Variants in ZNF701 observed in about 807,000 individuals in gnomAD.
ZNF701 encodes zinc finger protein 701.
Under a neutral mutation model 7.1 loss-of-function variants are expected in ZNF701, and 6 were observed. The ratio of observed to expected loss-of-function variants is 0.84; its 90% CI spans 0.46 to 1.66. The LOEUF (loss-of-function observed/expected upper bound fraction) is 1.66, where lower values mean the gene tolerates loss of function less well. ZNF701 is among the 40% of genes most tolerant of loss of function. The pLI is 0.01. For synonymous variants in ZNF701, 166 were observed against 188.2 expected (o/e 0.88, Z 0.97); for missense variants, 541 against 559.2 (o/e 0.97, Z 0.33).
downstream of ZNF701, among the ~76,000 whole-genome samples, chr19:52,589,461 G>T (rs2060027984): frequency 6.9e-6 from 1 of 145,538 alleles, no homozygotes; most frequent in East Asian, 2.0e-4. Context: ...AAACAGAAAC[G>T]TTCTTTCACA....
In ZNF701 at chr19:52,583,021, CT is replaced by C. The variant is rs2059986718; in HGVS notation, c.963del (p.Gly322GlufsTer53). 1 of 1,613,662 alleles carries C rather than the reference CT, an allele frequency of 6.2e-7. No individual in the cohort carries two copies. On this transcript the variant is annotated frameshift_variant, in exon 4 of 4. Coordinates refer to ENST00000391785, the MANE Select transcript of ZNF701 (RefSeq NM_018260.3). LOFTEE classifies it low-confidence loss of function (END_TRUNC). The stretch of plus-strand genomic sequence containing the variant: ...CTTGCACGTCATCATAGAGTTCATA[CT>C]GGAGAGAAACCTTACAAATGTGAAG... ...SNLARHHRVH[T>X]GEKPYKCEEC...
intron 1 of ZNF701, chr19:52,572,121 C>G: frequency 3.3e-6 from 1 of 303,074 alleles, no homozygotes; most frequent in Non-Finnish European, 6.5e-6. Flanking sequence ...CCGAGCCCGG[C>G]CTACTCACCA....
rs113196820 is a variant in ZNF701, at chr19:52,582,386, T to C, written c.327T>C (p.His109=). 23 of 1,613,560 alleles carry C rather than the reference T, an allele frequency of 1.4e-5. No homozygotes were observed. Among genetic ancestry groups the C allele is most frequent in the African/African-American group, 5.3e-5 (4 of 74,900 alleles). The change falls in exon 4 of 4, where the codon CAT becomes CAC. Residue 109 remains histidine, a synonymous_variant. Transcript: ENST00000391785. ...FQWQENETNG[H]EALMTKTKKL... ...GGCAAGAAAATGAAACAAATGGCCATGAAGCACTCATGACAAAAACCAAAA... is the reference window on the plus strand; with the variant it reads ...GGCAAGAAAATGAAACAAATGGCCACGAAGCACTCATGACAAAAACCAAAA...
chr19:52,573,823 T>A (rs1600068605), intron 1 of ZNF701, among the ~76,000 whole-genome samples: 1 of 152,258 alleles, frequency 6.6e-6, no homozygotes, highest in East Asian at 1.9e-4. Context: ...AGCCTCTGCA[T>A]GGGATTTGGT....
chr19:52,576,009 C>T lies in ZNF701; in HGVS notation c.130C>T (p.Leu44=). The T allele has an allele frequency of 6.3e-7, 1 of 1,576,404 alleles. No individual in the cohort carries two copies. Among genetic ancestry groups the T allele is most frequent in the Non-Finnish European group, 8.6e-7 (1 of 1,168,794 alleles). Reference sequence around the variant, plus strand: ...CGTGATGCTGGAGAATTATAGGAACCTGGTCTCCCTGGGTGAGGATAACTT... The same window carrying T: ...CGTGATGCTGGAGAATTATAGGAACTTGGTCTCCCTGGGTGAGGATAACTT... The part of the protein sequence containing the change: ...RDVMLENYRN[L]VSLDTSSKCM... The change falls in exon 3 of 4, where the codon CTG becomes TTG. Residue 44 remains leucine, a synonymous_variant. Coordinates refer to ENST00000391785, the MANE Select transcript of ZNF701 (RefSeq NM_018260.3).
chr19:52,580,410 A>G (rs1237564924), intron 3 of ZNF701, among the ~76,000 whole-genome samples: 1 of 151,804 alleles, frequency 6.6e-6, no homozygotes, highest in African/African-American at 2.4e-5. Context: ...TATTTTTAGT[A>G]GATATGGGGT....
chr19:52,576,996 A>G (rs1259062202), intron 3 of ZNF701, among the ~76,000 whole-genome samples: 2 of 149,870 alleles, frequency 1.3e-5, no homozygotes, highest in African/African-American at 4.9e-5. Flanking sequence ...TGTGTGGGGA[A>G]ACTCTGCAAG....
At chr19:52,576,393 T>G (rs1317434387) in intron 3 of ZNF701, among the ~76,000 whole-genome samples, 1 of 151,874 alleles carries the variant, frequency 6.6e-6, no homozygotes, top group Non-Finnish European at 1.5e-5. Flanking sequence ...ACACAAAAAT[T>G]AGCCGGGCGT....
In ZNF701 at chr19:52,583,320, C is replaced by T. The variant is rs143669917; in HGVS notation, c.1261C>T (p.His421Tyr). Residue 421 changes from histidine to tyrosine, a missense_variant, in exon 4 of 4, where the codon CAC becomes TAC. By Grantham distance (83) the His-to-Tyr change is moderately conservative. Coordinates refer to ENST00000391785, the MANE Select transcript of ZNF701 (RefSeq NM_018260.3). The part of the protein sequence containing the change: ...KCNECGKVFN[H>Y]KSNLACHRRL... ...TAATGAATGTGGCAAGGTTTTTAAT[C>T]ACAAATCAAACCTTGCATGTCATCG... 9.1e-5 allele frequency: 146 copies of T among 1,604,812 alleles called. No homozygotes were observed. Among genetic ancestry groups the T allele is most frequent in the Non-Finnish European group, 1.2e-4 (141 of 1,172,418 alleles).
Position 52,583,080 on chromosome 19 carries a change from C to A in ZNF701, c.1021C>A (p.Leu341Ile). 6.2e-7 allele frequency: 1 copy of A among 1,613,740 alleles called. No homozygotes were observed. Among genetic ancestry groups the A allele is most frequent in the Non-Finnish European group, 8.5e-7 (1 of 1,179,872 alleles). Residue 341 changes from leucine (L) to isoleucine (I), a missense_variant, in exon 4 of 4, where the codon CTT (leucine) becomes ATT (isoleucine). Physicochemically the swap from Leu to Ile is conservative, Grantham distance 5. Coordinates refer to ENST00000391785, the MANE Select transcript of ZNF701 (RefSeq NM_018260.3). ...CDKVFSRKSH[L>I]ERHRRIHTGE... The stretch of plus-strand genomic sequence containing the variant: ...CAAAGTTTTCAGTCGCAAATCACAC[C>A]TTGAAAGACATAGGAGAATTCACAC...
At chr19:52,575,815 T>C (rs988318784) in intron 2 of ZNF701, 80 bp from the exon 3 acceptor site, 5 of 960,180 alleles carry the variant, frequency 5.2e-6, no homozygotes, top group Non-Finnish European at 7.4e-6. Context: ...AATCCATGCT[T>C]TCCCCTCTCC....
chr19:52,591,423 C>T (rs1308391682), downstream of ZNF701, among the ~76,000 whole-genome samples: 1 of 152,132 alleles, frequency 6.6e-6, no homozygotes, highest in Non-Finnish European at 1.5e-5. Context: ...TTAAGTAATC[C>T]ACCCACCTTG....
rs1376995089 is a variant in ZNF701, at chr19:52,586,874, A to C, written c.*3417A>C. The C allele has an allele frequency of 6.6e-6, 1 of 152,036 alleles. No homozygotes were observed. 9.4% of individuals were successfully genotyped at this position (152,036 alleles called of 1,614,324 possible). On this transcript the variant is annotated 3_prime_UTR_variant, in exon 4 of 4. Transcript: ENST00000391785. ...CCAGTCCTCCGAAAAACAGGATTAG[A>C]CTCAAATCACCTTGAACCTTATCAT...
downstream of ZNF701, among the ~76,000 whole-genome samples, chr19:52,587,947 T>C (rs1402516848): frequency 6.6e-6 from 1 of 152,140 alleles, no homozygotes; most frequent in Non-Finnish European, 1.5e-5. Flanking sequence ...GTGCTCTGCA[T>C]GGGGTTTGGT....
the ZNF701 span, chr19:52,597,124 G>A: frequency 0.16 from 138,735 of 848,378 alleles, 12,971 homozygotes; most frequent in African/African-American, 0.24. Context: ...TTCAGACATC[G>A]ATCATATCTT....
chr19:52,573,755 G>T (rs1457156611), intron 1 of ZNF701, among the ~76,000 whole-genome samples: 1 of 152,036 alleles, frequency 6.6e-6, no homozygotes, highest in Non-Finnish European at 1.5e-5. Context: ...GAGCTCAAGC[G>T]ATGTACCCAC....
rs2060006255 is a variant in ZNF701 at position 52,585,667 on chromosome 19, G to C, written c.*2210G>C. 6.6e-6 allele frequency: 1 copy of C among 151,920 alleles called. No homozygotes were observed. Among genetic ancestry groups the C allele is most frequent in the African/African-American group, 2.4e-5 (1 of 41,434 alleles). 9.4% of individuals were successfully genotyped at this position (151,920 alleles called of 1,614,324 possible). A position where few individuals can be genotyped will look rare whatever the true frequency, so the allele number is the denominator to read the frequency against. ...GGTGGGCCCAAGCGAGCGTCTCCAGGGCCCCATTTACAAAGTTTTTGGAGG... is the reference window on the plus strand; with the variant it reads ...GGTGGGCCCAAGCGAGCGTCTCCAGCGCCCCATTTACAAAGTTTTTGGAGG... On this transcript the variant is annotated 3_prime_UTR_variant, in exon 4 of 4. Coordinates refer to ENST00000391785, the MANE Select transcript of ZNF701 (RefSeq NM_018260.3).
chr19:52,581,704 C>T (rs985770047), intron 3 of ZNF701, among the ~76,000 whole-genome samples: 2 of 152,162 alleles, frequency 1.3e-5, no homozygotes, highest in African/African-American at 4.8e-5. Flanking sequence ...ATTTTCTTAT[C>T]TTCTCAGTGC....
intron 1 of ZNF701, among the ~76,000 whole-genome samples, chr19:52,571,368 CG>C (rs756365985): frequency 9.4e-4 from 142 of 151,352 alleles, no homozygotes; most frequent in Middle Eastern, 3.4e-3. Flanking sequence ...AGAGTGGGGA[CG>C]GGGGGTAAAA....
Sources: gnomAD v4.1 joint callset for allele counts (sites outside exome capture counted in the v4.1 genomes callset) on GRCh38, gnomAD v4.1.1 for gene constraint, MANE v1.5 for transcripts, NCBI Gene and HGNC (gene_info 2026-07-23, HGNC 2026-07-21) for gene names.